The following ZDHHC15 variants were observed in gnomAD, a reference collection of about 807,000 sequenced individuals.
ZDHHC15 encodes the protein zDHHC palmitoyltransferase 15, also known as palmitoyltransferase ZDHHC15.
ZDHHC15 carries 19 observed loss-of-function variants against 31.7 expected under a neutral mutation model. The ratio of observed to expected loss-of-function variants is 0.60; its 90% CI spans 0.42 to 0.88. The LOEUF is 0.88. Among genes scored for constraint, ZDHHC15 ranks in the 40% least tolerant of loss-of-function variants. The pLI is 0.00. For missense variants in ZDHHC15, 209 were observed against 251.2 expected (o/e 0.83, Z 1.14); for synonymous variants, 103 against 90.0 (o/e 1.14, Z -0.82).
At chrX:75,483,321 G>A (rs2084722672) in intron 2 of ZDHHC15, among the ~76,000 whole-genome samples, 1 of 110,347 alleles carries the variant, frequency 9.1e-6, no homozygotes, top group Non-Finnish European at 1.9e-5. Flanking sequence ...AATGGGCCAG[G>A]CGTGGTGGTT....
At chrX:75,469,681 A>G (rs1181862204) in intron 3 of ZDHHC15, among the ~76,000 whole-genome samples, 2 of 112,013 alleles carry the variant, frequency 1.8e-5, no homozygotes, top group African/African-American at 6.5e-5. Flanking sequence ...CACTATAAAC[A>G]TAGATATACA....
At chrX:75,479,054 G>T in intron 2 of ZDHHC15, 69 bp from the exon 3 acceptor site, 1 of 700,845 alleles carries the variant, frequency 1.4e-6, no homozygotes, top group Non-Finnish European at 2.0e-6. Context: ...AAAATACAAA[G>T]CTCCATGACG....
chrX:75,403,141 A>C (rs980396122), intron 10 of ZDHHC15, among the ~76,000 whole-genome samples: 2 of 112,442 alleles, frequency 1.8e-5, no homozygotes, highest in Non-Finnish European at 3.8e-5. Context: ...CAAAAACCAC[A>C]TGATTATCTC....
chrX:75,435,601 T>C (rs1053952263), intron 4 of ZDHHC15, among the ~76,000 whole-genome samples: 2 of 112,360 alleles, frequency 1.8e-5, no homozygotes, highest in African/African-American at 6.5e-5. Context: ...GAGATGATCA[T>C]GTGATTTTTG....
In ZDHHC15 at chrX:75,508,717, G is replaced by C. The variant is rs185444531; in HGVS notation, c.137-2870C>G. On this transcript the variant is annotated intron_variant, in intron 1 of 11. Transcript: ENST00000373367. ...TTCTAGTTCTAGATCCTTGAGGAAT[G>C]GCCACACTGTCTTCCACAATGGTTG... Among the ~76,000 whole-genome samples the C allele has an allele frequency of 8.0e-3, 890 of 110,845 alleles. 10 individuals are homozygous for C. The highest frequency in any genetic ancestry group is 0.027 in the African/African-American group (816 of 30,521).
At chrX:75,378,741 A>G (rs1468222128) in intron 11 of ZDHHC15, among the ~76,000 whole-genome samples, 3 of 111,481 alleles carry the variant, frequency 2.7e-5, no homozygotes, top group Non-Finnish European at 5.6e-5. Flanking sequence ...TTATTAACTG[A>G]CATAATGGAG....
intron 2 of ZDHHC15, chrX:75,501,647 T>C (rs941442977): frequency 9.0e-6 from 1 of 111,113 alleles, no homozygotes; most frequent in East Asian, 2.8e-4. Flanking sequence ...ATAGTAGCCA[T>C]TCTGAGATGG....
chrX:75,450,675 G>T, intron 4 of ZDHHC15, 127 bp downstream of exon 4: 3 of 1,180,616 alleles, frequency 2.5e-6, no homozygotes, highest in East Asian at 3.0e-5. Flanking sequence ...AAAATGTGGA[G>T]AAAAATCTCC....
chrX:75,502,321 C>T (rs755552150), intron 2 of ZDHHC15: 3 of 111,430 alleles, frequency 2.7e-5, no homozygotes, highest in Non-Finnish European at 5.7e-5. Context: ...CTCATTTTAA[C>T]TTAACTACCT....
chrX:75,489,923 A>G lies in ZDHHC15; in HGVS notation c.164-10938T>C, dbSNP rs533703641. Among the ~76,000 whole-genome samples, 5 of 112,425 alleles carry G rather than the reference A, an allele frequency of 4.4e-5. No individual in the cohort carries two copies. In the South Asian group the frequency reaches 1.9e-3, roughly 42 times the overall value. On this transcript the variant is annotated intron_variant, in intron 2 of 11. Coordinates refer to ENST00000373367, the MANE Select transcript of ZDHHC15 (RefSeq NM_144969.3). ...ACCTGATGGAGCTGAAAAACAAGGC[A>G]CAAGAACTATGTGACGAATGCACTA...
chrX:75,436,406 T>C (rs1280785283), intron 4 of ZDHHC15, among the ~76,000 whole-genome samples: 2 of 112,059 alleles, frequency 1.8e-5, no homozygotes. Flanking sequence ...GTTTCTTTAG[T>C]TCCTTGAGGT....
chrX:75,439,647 TC>T (rs2083911345), intron 4 of ZDHHC15, among the ~76,000 whole-genome samples: 1 of 112,265 alleles, frequency 8.9e-6, no homozygotes, highest in Non-Finnish European at 1.9e-5. Context: ...TAATTGACTT[TC>T]TAAATTCTTT....
intron 2 of ZDHHC15, among the ~76,000 whole-genome samples, chrX:75,488,035 G>A (rs1569356644): frequency 8.9e-6 from 1 of 112,154 alleles, no homozygotes; most frequent in Non-Finnish European, 1.9e-5. Context: ...TATGTCAAAT[G>A]TCCAAACATA....
chrX:75,484,141 T>A (rs780797368), intron 2 of ZDHHC15, among the ~76,000 whole-genome samples: 74 of 112,113 alleles, frequency 6.6e-4, no homozygotes, highest in African/African-American at 2.1e-3. Flanking sequence ...CTTACTCAGC[T>A]TTTGGGAACA....
chrX:75,484,527 A>G (rs1056080615), intron 2 of ZDHHC15, among the ~76,000 whole-genome samples: 2 of 112,320 alleles, frequency 1.8e-5, no homozygotes, highest in Non-Finnish European at 3.8e-5. Flanking sequence ...AGAATATAAG[A>G]AACTATCACC....
intron 2 of ZDHHC15, among the ~76,000 whole-genome samples, chrX:75,495,983 A>G (rs2084991037): frequency 9.0e-6 from 1 of 110,815 alleles, no homozygotes; most frequent in African/African-American, 3.3e-5. Context: ...AGTATAATGA[A>G]TAGAACATTA....
chrX:75,508,967 A>G lies in ZDHHC15; in HGVS notation c.137-3120T>C, dbSNP rs751384968. ...CTTCTTTTGAGAAGTGTCTGTTCAT[A>G]TCCTTCGCCCACTTTTTGATGGGGT... On this transcript the variant is annotated intron_variant, in intron 1 of 11. Coordinates refer to ENST00000373367, the MANE Select transcript of ZDHHC15 (RefSeq NM_144969.3). Among the ~76,000 whole-genome samples the G allele has an allele frequency of 4.8e-3, 533 of 110,752 alleles. 3 individuals are homozygous for G. The highest frequency in any genetic ancestry group is 8.4e-3 in the Non-Finnish European group (440 of 52,658).
At chrX:75,395,644 C>A (rs906116557) in intron 10 of ZDHHC15, among the ~76,000 whole-genome samples, 6 of 111,513 alleles carry the variant, frequency 5.4e-5, no homozygotes, top group African/African-American at 2.0e-4. Context: ...TAAATGCAAT[C>A]CCTCTTAATA....
Position 75,393,302 on chromosome X carries a change from A to G in ZDHHC15, c.968-14104T>C, listed in dbSNP as rs536259869. 5.1e-4 allele frequency among the ~76,000 whole-genome samples: 57 copies of G among 111,189 alleles called. 1 individual carries two copies. In the South Asian group the frequency reaches 0.019, roughly 36 times the overall value. ...TGGTGGCAGTGTTCCTCCCTCTGAA[A>G]TAAGACTCTCACTGAGGGAAATCTT... is the stretch of plus-strand genomic sequence containing the variant. On this transcript the variant is annotated intron_variant, in intron 10 of 11. Transcript: ENST00000373367.
Sources: allele counts gnomAD v4.1 joint callset (sites outside exome capture counted in the v4.1 genomes callset), GRCh38; gene constraint gnomAD v4.1.1; transcripts MANE v1.5; gene names NCBI Gene and HGNC (gene_info 2026-07-23, HGNC 2026-07-21).